The following EYS variants were observed in gnomAD, a reference collection of about 807,000 sequenced individuals.
The protein encoded by EYS is protein eyes shut homolog.
Under a neutral mutation model 282.1 loss-of-function variants are expected in EYS, and 250 were observed. That is an observed-to-expected ratio of 0.89 (90% CI 0.80 to 0.98). EYS has a LOEUF of 0.98. Ranked by LOEUF, EYS falls within the 50% of genes least tolerant of loss-of-function variation. The probability of loss-of-function intolerance (pLI) is 0.00; values close to 1 mark genes in which losing one functional copy is unlikely to be tolerated. For synonymous variants in EYS, 1,355 were observed against 1,282.9 expected (o/e 1.06, Z -1.20); for missense variants, 4,016 against 3,709.0 (o/e 1.08, Z -2.15).
At chr6:65,382,111 A>C (rs992722247) in intron 8 of EYS, among the ~76,000 whole-genome samples, 1 of 151,730 alleles carries the variant, frequency 6.6e-6, no homozygotes, top group Non-Finnish European at 1.5e-5. Flanking sequence ...TTTGATGCAC[A>C]GAAGTTTTTA....
At chr6:64,156,380 A>G (rs1325355089) in intron 31 of EYS, among the ~76,000 whole-genome samples, 1 of 151,476 alleles carries the variant, frequency 6.6e-6, no homozygotes. Context: ...GTCCAATTAA[A>G]CCTCTTTTTT....
intron 24 of EYS, among the ~76,000 whole-genome samples, chr6:64,607,502 T>G (rs1026681469): frequency 5.3e-5 from 8 of 152,022 alleles, no homozygotes; most frequent in Non-Finnish European, 8.8e-5. Context: ...AGGGACTATC[T>G]AGTTATCTGC....
At chr6:65,668,494 A>G (rs187893080) in intron 1 of EYS, among the ~76,000 whole-genome samples, 1 of 151,910 alleles carries the variant, frequency 6.6e-6, no homozygotes, top group African/African-American at 2.4e-5. Flanking sequence ...GACTGCTTTC[A>G]CTCTACAATG....
At chr6:64,744,813 G>A (rs1050394399) in intron 22 of EYS, among the ~76,000 whole-genome samples, 23 of 151,822 alleles carry the variant, frequency 1.5e-4, no homozygotes, top group African/African-American at 5.1e-4. Context: ...TTAATTATGC[G>A]AATTGCTAAA....
intron 26 of EYS, among the ~76,000 whole-genome samples, chr6:64,446,751 G>A (rs1405458457): frequency 2.6e-5 from 4 of 151,998 alleles, no homozygotes; most frequent in Non-Finnish European, 5.9e-5. Flanking sequence ...TGATCAGGTA[G>A]CTTAAGTAAA....
At chr6:64,361,707 T>C (rs769840913) in intron 29 of EYS, among the ~76,000 whole-genome samples, 7 of 151,750 alleles carry the variant, frequency 4.6e-5, no homozygotes, top group Non-Finnish European at 1.0e-4. Flanking sequence ...TTCTTCAAAG[T>C]TGCTTATAAT....
At chr6:64,927,513 A>C (rs2150085146) in intron 15 of EYS, among the ~76,000 whole-genome samples, 1 of 152,136 alleles carries the variant, frequency 6.6e-6, no homozygotes, top group African/African-American at 2.4e-5. Context: ...TTTACCATTA[A>C]ATTTATGTCA....
intron 31 of EYS, among the ~76,000 whole-genome samples, chr6:64,137,180 G>T (rs1280731625): frequency 6.6e-6 from 1 of 152,260 alleles, no homozygotes; most frequent in African/African-American, 2.4e-5. Flanking sequence ...CTTTTCTTCT[G>T]CAGCTTCCTC....
In EYS at chr6:63,937,338, C is replaced by CTCTTT. The variant is rs1397266688; in HGVS notation, c.7055+47040_7055+47044dup. ...CAAGATCCAAATTTTCTAGGCTTCT[C>CTCTTT]TCTTTTCTTTTTTTTTTTTTTTTTT... On this transcript the variant is annotated intron_variant, in intron 35 of 42. Coordinates refer to ENST00000503581, the MANE Select transcript of EYS (RefSeq NM_001142800.2). Among the ~76,000 whole-genome samples, 66 of 64,852 alleles carry CTCTTT rather than the reference C, an allele frequency of 1.0e-3. 1 individual carries two copies. Among genetic ancestry groups the CTCTTT allele is most frequent in the Non-Finnish European group, 1.5e-3 (50 of 32,578 alleles). The allele number at this position is 64,852 out of a possible 152,430, so 42.5% of individuals were successfully genotyped here.
At chr6:64,342,917 TA>T (rs1212318231) in intron 29 of EYS, among the ~76,000 whole-genome samples, 5 of 151,920 alleles carry the variant, frequency 3.3e-5, no homozygotes, top group Non-Finnish European at 7.4e-5. Context: ...TAGTCTTGGA[TA>T]AAACAGACTT....
At chr6:65,440,862 G>T (rs12523854) in intron 5 of EYS, among the ~76,000 whole-genome samples, 15,523 of 143,856 alleles carry the variant, frequency 0.11, 1,264 homozygotes, top group African/African-American at 0.22. Context: ...TATATATATA[G>T]ATTTATATTA....
At chr6:64,554,591 A>G (rs1562059020) in intron 26 of EYS, among the ~76,000 whole-genome samples, 1 of 152,096 alleles carries the variant, frequency 6.6e-6, no homozygotes, top group Non-Finnish European at 1.5e-5. Context: ...GAGTGAAGAA[A>G]CAACTTGTGG....
intron 2 of EYS, among the ~76,000 whole-genome samples, chr6:65,553,022 G>A (rs925008887): frequency 6.6e-6 from 1 of 152,138 alleles, no homozygotes; most frequent in Admixed American, 6.5e-5. Context: ...TGGGAACAAG[G>A]TATTGGAGTT....
intron 28 of EYS, among the ~76,000 whole-genome samples, chr6:64,398,702 T>C (rs1478690099): frequency 1.3e-5 from 2 of 151,924 alleles, no homozygotes; most frequent in Admixed American, 1.3e-4. Flanking sequence ...ACACATATTC[T>C]TCAAATCCTC....
At chr6:65,590,655 C>T (rs1447810356) in intron 2 of EYS, among the ~76,000 whole-genome samples, 1 of 151,984 alleles carries the variant, frequency 6.6e-6, no homozygotes, top group African/African-American at 2.4e-5. Context: ...TAGGCCTCTG[C>T]TAGCAACTAT....
chr6:63,838,593 A>G (rs2149695946), intron 36 of EYS, among the ~76,000 whole-genome samples: 1 of 152,158 alleles, frequency 6.6e-6, no homozygotes, highest in East Asian at 1.9e-4. Context: ...CCTGTCTTTT[A>G]GTAGGCAGTG....
At chr6:63,898,429 T>C (rs928824296) in intron 35 of EYS, among the ~76,000 whole-genome samples, 1 of 152,034 alleles carries the variant, frequency 6.6e-6, no homozygotes, top group African/African-American at 2.4e-5. Context: ...AGGCGGAGGT[T>C]GCTGTGAGCC....
intron 1 of EYS, among the ~76,000 whole-genome samples, chr6:65,646,395 C>T (rs1767452523): frequency 6.6e-6 from 1 of 151,836 alleles, no homozygotes. Context: ...AATGTGATAC[C>T]CAACATAAAC....
intron 2 of EYS, among the ~76,000 whole-genome samples, chr6:65,599,057 A>G (rs1017652997): frequency 6.6e-6 from 1 of 152,022 alleles, no homozygotes; most frequent in African/African-American, 2.4e-5. Context: ...ATATACCAAA[A>G]TCCATGCATA....
Sources: gnomAD v4.1 joint callset for allele counts (sites outside exome capture counted in the v4.1 genomes callset) on GRCh38, gnomAD v4.1.1 for gene constraint, MANE v1.5 for transcripts, NCBI Gene and HGNC (gene_info 2026-07-23, HGNC 2026-07-21) for gene names.